ABCA13: variants seen among roughly 807,000 people sequenced by gnomAD.
ABCA13 encodes the protein ATP binding cassette subfamily A member 13, also known as ATP-binding cassette sub-family A member 13.
ABCA13 carries 476 observed loss-of-function variants against 478.7 expected under a neutral mutation model. That is an observed-to-expected ratio of 0.99 (90% CI 0.92 to 1.07). The LOEUF (loss-of-function observed/expected upper bound fraction) is 1.07. Among genes scored for constraint, ABCA13 ranks in the 50% least tolerant of loss-of-function variants. ABCA13 has a pLI of 0.00. For synonymous variants in ABCA13, 2,252 were observed against 2,158.9 expected, an observed-to-expected ratio of 1.04 and a Z score of -1.20; for missense variants, 6,060 against 5,910.6, an observed-to-expected ratio of 1.03 and a Z score of -0.83.
intron 59 of ABCA13, among the ~76,000 whole-genome samples, chr7:48,634,018 A>G (rs910211157): frequency 1.3e-5 from 2 of 152,122 alleles, no homozygotes; most frequent in Non-Finnish European, 2.9e-5. Flanking sequence ...ATCAATACCA[A>G]GATTTCTCAA....
intron 59 of ABCA13, among the ~76,000 whole-genome samples, chr7:48,635,419 A>T (rs1442041601): frequency 2.0e-5 from 3 of 152,046 alleles, no homozygotes; most frequent in African/African-American, 7.2e-5. Context: ...CACTCATGGG[A>T]GAGGGAGGAC....
intron 23 of ABCA13, among the ~76,000 whole-genome samples, chr7:48,308,148 T>G (rs1029458385): frequency 4.6e-5 from 7 of 152,206 alleles, no homozygotes; most frequent in Admixed American, 3.9e-4. Flanking sequence ...ATCGTATTTT[T>G]AAAAATTAAG....
chr7:48,204,640 C>G (rs1784697517), intron 3 of ABCA13, among the ~76,000 whole-genome samples: 1 of 152,180 alleles, frequency 6.6e-6, no homozygotes, highest in South Asian at 2.1e-4. Context: ...GATGAGTACT[C>G]CCCTCCCCTT....
chr7:48,376,826 C>G (rs1178391219), intron 35 of ABCA13, among the ~76,000 whole-genome samples: 1 of 152,072 alleles, frequency 6.6e-6, no homozygotes, highest in Non-Finnish European at 1.5e-5. Flanking sequence ...GCCCACCAAG[C>G]AGCTCCCCAA....
At chr7:48,388,576 C>A (rs1474660324) in intron 36 of ABCA13, among the ~76,000 whole-genome samples, 1 of 152,232 alleles carries the variant, frequency 6.6e-6, no homozygotes, top group Non-Finnish European at 1.5e-5. Context: ...GATAAACAAG[C>A]TCCCATCGTG....
intron 5 of ABCA13, among the ~76,000 whole-genome samples, chr7:48,225,109 G>GTGCGTGCCTGCCTGCC (rs1231133241): frequency 1.8e-5 from 2 of 113,664 alleles, no homozygotes; most frequent in African/African-American, 7.2e-5. Context: ...CCATGCGTGC[G>GTGCGTGCCTGCCTGCC]TGCCTGCCTG....
intron 1 of ABCA13, among the ~76,000 whole-genome samples, chr7:48,175,813 T>A (rs1794783739): frequency 6.6e-6 from 1 of 152,188 alleles, no homozygotes; most frequent in African/African-American, 2.4e-5. Context: ...TTTGTATCCT[T>A]TAATAAATCT....
At chr7:48,375,489 C>T (rs998706421) in intron 34 of ABCA13, among the ~76,000 whole-genome samples, 1 of 152,074 alleles carries the variant, frequency 6.6e-6, no homozygotes, top group Non-Finnish European at 1.5e-5. Context: ...TATCTCATAC[C>T]AATGCAGGCT....
rs1368692069 is a variant in ABCA13 at position 48,507,919 on chromosome 7, G to A, written c.13394G>A (p.Gly4465Glu). ...GGAGTGGCCCTCTGCATCGTGCTGGGATTCTCCATCCTGTCTGCATCCATC... is the reference window on the plus strand; with the variant it reads ...GGAGTGGCCCTCTGCATCGTGCTGGAATTCTCCATCCTGTCTGCATCCATC... The part of the protein sequence containing the change: ...QCGVALCIVL[G>E]FSILSASIGS... Residue 4465 changes from glycine (G) to glutamate (E), a missense_variant, in exon 50 of 62, where the codon GGA (glycine) becomes GAA (glutamate). Gly to Glu is a moderately conservative substitution (Grantham distance 98, BLOSUM62 -2). This residue lies in a region of ABCA13 where 1,627 missense variants were observed against 1,571.0 expected (regional missense o/e 1.04). Transcript: ENST00000435803. 5.0e-6 allele frequency: 8 copies of A among 1,613,124 alleles called. No homozygotes were observed. The highest frequency in any genetic ancestry group is 6.8e-6 in the Non-Finnish European group (8 of 1,179,558).
At chr7:48,395,019 C>T (rs1157624974) in intron 38 of ABCA13, among the ~76,000 whole-genome samples, 1 of 152,162 alleles carries the variant, frequency 6.6e-6, no homozygotes, top group African/African-American at 2.4e-5. Context: ...GGGTTGACTG[C>T]AGTGGGTGGG....
intron 58 of ABCA13, among the ~76,000 whole-genome samples, chr7:48,605,838 T>G (rs1004679064): frequency 2.6e-5 from 4 of 152,232 alleles, no homozygotes; most frequent in African/African-American, 9.6e-5. Flanking sequence ...CCCCATCACT[T>G]TCAGGTACAC....
chr7:48,239,528 T>A, intron 9 of ABCA13, 123 bp downstream of exon 9: 1 of 1,173,752 alleles, frequency 8.5e-7, no homozygotes, highest in Non-Finnish European at 1.2e-6. Context: ...GAAAGGGCCT[T>A]AGGAGCCCCA....
intron 3 of ABCA13, among the ~76,000 whole-genome samples, chr7:48,216,484 A>G (rs1021419479): frequency 6.6e-6 from 1 of 152,170 alleles, no homozygotes; most frequent in African/African-American, 2.4e-5. Flanking sequence ...CATATATTTT[A>G]CAGACAAGTC....
chr7:48,486,229 A>C (rs1352776242), intron 47 of ABCA13, among the ~76,000 whole-genome samples: 2 of 152,170 alleles, frequency 1.3e-5, no homozygotes, highest in Non-Finnish European at 2.9e-5. Flanking sequence ...TGTCTCCCTG[A>C]GAGAGTCTCT....
intron 23 of ABCA13, among the ~76,000 whole-genome samples, chr7:48,305,206 CAAAG>C (rs1444987040): frequency 2.0e-5 from 3 of 152,284 alleles, no homozygotes; most frequent in African/African-American, 7.2e-5. Flanking sequence ...GTTGTATAGA[CAAAG>C]AAACTGAAGT....
intron 41 of ABCA13, among the ~76,000 whole-genome samples, chr7:48,416,587 C>T (rs906801533): frequency 9.2e-5 from 14 of 152,118 alleles, no homozygotes; most frequent in South Asian, 2.1e-4. Context: ...CACAGACAGA[C>T]GACATTTGTT....
intron 42 of ABCA13, among the ~76,000 whole-genome samples, chr7:48,442,220 A>G (rs923200450): frequency 2.0e-5 from 3 of 152,218 alleles, no homozygotes; most frequent in Non-Finnish European, 4.4e-5. Context: ...TGACTTCCCC[A>G]GTTGTATTAT....
chr7:48,563,159 GTA>G, intron 55 of ABCA13, among the ~76,000 whole-genome samples: 1 of 152,254 alleles, frequency 6.6e-6, no homozygotes, highest in South Asian at 2.1e-4. Context: ...TCACTGAAAG[GTA>G]TAGTTTTCCC....
In ABCA13 at chr7:48,378,271, C is replaced by G. The variant is rs566862133; in HGVS notation, c.11335+1699C>G. On this transcript the variant is annotated intron_variant, in intron 35 of 61. Coordinates refer to ENST00000435803, the MANE Select transcript of ABCA13 (RefSeq NM_152701.5). Reference sequence around the variant, plus strand: ...GGTGAGAATGTCCTCACCAGTGGGACAGTATTGAGTCGTTCCTTATCCTGT... The same window carrying G: ...GGTGAGAATGTCCTCACCAGTGGGAGAGTATTGAGTCGTTCCTTATCCTGT... 4.6e-5 allele frequency among the ~76,000 whole-genome samples: 7 copies of G among 152,202 alleles called. No homozygotes were observed. The South Asian group carries it at 1.5e-3, about 32-fold the overall frequency.
Sources: gnomAD v4.1 joint callset for allele counts (sites outside exome capture counted in the v4.1 genomes callset) on GRCh38, gnomAD v4.1.1 for gene constraint, gnomAD v4.1.1 regional missense constraint, MANE v1.5 for transcripts, NCBI Gene and HGNC (gene_info 2026-07-23, HGNC 2026-07-21) for gene names.